Variants in TRERF1 observed in about 807,000 individuals in gnomAD.
TRERF1 encodes the protein transcriptional-regulating factor 1.
A neutral mutation model predicts 122.9 loss-of-function variants in TRERF1; 27 were observed. That is an observed-to-expected ratio of 0.22 (90% CI 0.16 to 0.30). The LOEUF is 0.30. TRERF1 is among the 10% of genes least tolerant of loss of function. The pLI is 1.00. For synonymous variants in TRERF1, 636 were observed against 641.7 expected, an observed-to-expected ratio of 0.99 and a Z score of 0.13; for missense variants, 1,248 against 1,560.3, an observed-to-expected ratio of 0.80 and a Z score of 3.37.
intron 2 of TRERF1, among the ~76,000 whole-genome samples, chr6:42,438,559 G>A (rs1401590243): frequency 2.7e-5 from 4 of 150,050 alleles, no homozygotes; most frequent in Admixed American, 6.6e-5. Flanking sequence ...GCAGTCAGCC[G>A]AGATCACACC....
chr6:42,232,828 G>T lies in TRERF1; in HGVS notation c.3131C>A (p.Thr1044Asn). The change falls in exon 17 of 18, where the codon ACC becomes AAC. Residue 1044 changes from threonine (T) to asparagine (N), a missense_variant. Around this residue, in one of 5 missense-constraint regions of TRERF1, gnomAD observed 159 missense variants for 221.7 expected, o/e 0.72. Transcript: ENST00000372922. The surrounding 1 kb of genome is among the most constrained non-coding windows in gnomAD (Gnocchi z 4.5). ...AGAGGGGATGGCACCTCGGGCCTTGGTCACCTGGTTGGTGCCCCCGTGGAT... is the reference window on the plus strand; with the variant it reads ...AGAGGGGATGGCACCTCGGGCCTTGTTCACCTGGTTGGTGCCCCCGTGGAT... 1 of 1,612,438 alleles carries T rather than the reference G, an allele frequency of 6.2e-7. No homozygotes were observed. The highest frequency in any genetic ancestry group is 8.5e-7 in the Non-Finnish European group (1 of 1,179,274).
chr6:42,362,198 C>T (rs934027659), intron 3 of TRERF1, among the ~76,000 whole-genome samples: 2 of 152,066 alleles, frequency 1.3e-5, no homozygotes, highest in Non-Finnish European at 2.9e-5. Context: ...ACTGGAACCC[C>T]GAGACACAAT....
At chr6:42,435,292 G>A (rs1220231028) in intron 2 of TRERF1, among the ~76,000 whole-genome samples, 4 of 152,154 alleles carry the variant, frequency 2.6e-5, no homozygotes, top group Non-Finnish European at 5.9e-5. Flanking sequence ...TCCAGAAAAC[G>A]GCTAAAACAT....
intron 2 of TRERF1, among the ~76,000 whole-genome samples, chr6:42,394,336 C>G (rs531583120): frequency 6.5e-4 from 99 of 152,308 alleles, no homozygotes; most frequent in African/African-American, 2.4e-3. Context: ...CTCCCCTGAT[C>G]AACGCCCACC....
At chr6:42,442,255 T>C (rs1786660744) in intron 2 of TRERF1, among the ~76,000 whole-genome samples, 1 of 151,968 alleles carries the variant, frequency 6.6e-6, no homozygotes, top group African/African-American at 2.4e-5. Context: ...CTCCAGCTTT[T>C]TTTCTTTTCC....
rs1770641140 is a variant in TRERF1, at chr6:42,232,013, C to T, written c.3278+668G>A. Among the ~76,000 whole-genome samples the T allele has an allele frequency of 6.6e-6, 1 of 152,198 alleles. No individual in the cohort carries two copies. The highest frequency in any genetic ancestry group is 6.5e-5 in the Admixed American group (1 of 15,280). ...TAAAGCATGTAACAAAGTAAATGCT[C>T]AGTAAATGTTAGCTATTATAATTAC... On this transcript the variant is annotated intron_variant, in intron 17 of 17. Coordinates refer to ENST00000372922, the Ensembl canonical transcript of TRERF1. This position sits in a 1 kb window ranked among gnomAD's most constrained non-coding sequence, Gnocchi z 4.5.
chr6:42,257,487 A>T (rs939758981), intron 10 of TRERF1, among the ~76,000 whole-genome samples: 2 of 152,224 alleles, frequency 1.3e-5, no homozygotes, highest in Non-Finnish European at 2.9e-5. Flanking sequence ...ACTTTCACAG[A>T]TATTATCCCA....
chr6:42,243,146 C>G, intron 15 of TRERF1, 102 bp downstream of exon 15: 1 of 943,292 alleles, frequency 1.1e-6, no homozygotes, highest in East Asian at 2.4e-5. Flanking sequence ...CTTCCTCTGG[C>G]TATCTTGGCA....
At chr6:42,277,912 GAAGAAGAAGAA>G (rs1455257717) in intron 4 of TRERF1, among the ~76,000 whole-genome samples, 5 of 72,502 alleles carry the variant, frequency 6.9e-5, no homozygotes, top group African/African-American at 1.9e-4. Flanking sequence ...GAAGGAAGAA[GAAGAAGAAGAA>G]GAAGAAGAAG....
intron 2 of TRERF1, among the ~76,000 whole-genome samples, chr6:42,421,891 C>T (rs1016376241): frequency 4.0e-5 from 6 of 150,916 alleles, no homozygotes; most frequent in East Asian, 2.0e-4. Flanking sequence ...ACACTGGCCG[C>T]GTGTGGTGGC....
chr6:42,374,224 C>T (rs909673264), intron 2 of TRERF1, among the ~76,000 whole-genome samples: 10 of 151,956 alleles, frequency 6.6e-5, no homozygotes, highest in East Asian at 5.8e-4. Flanking sequence ...CAGCCGGGGG[C>T]GGGTGTGTGC....
intron 2 of TRERF1, among the ~76,000 whole-genome samples, chr6:42,373,245 G>GGAAGAGGCTGGGTGC (rs1294246055): frequency 1.3e-5 from 2 of 152,216 alleles, no homozygotes; most frequent in Non-Finnish European, 2.9e-5. Context: ...CCTAAGAAGG[G>GGAAGAGGCTGGGTGC]GAAGAGGCTG....
chr6:42,237,821 G>A (rs1378990241), intron 15 of TRERF1, among the ~76,000 whole-genome samples: 4 of 152,136 alleles, frequency 2.6e-5, no homozygotes, highest in Non-Finnish European at 4.4e-5. Context: ...GTATGTATGT[G>A]GCATTTAGTA....
At chr6:42,435,629 A>C (rs1785193527) in intron 2 of TRERF1, among the ~76,000 whole-genome samples, 1 of 152,194 alleles carries the variant, frequency 6.6e-6, no homozygotes, top group Non-Finnish European at 1.5e-5. Context: ...TATTATTTAT[A>C]ATAGTTAAAA....
intron 2 of TRERF1, among the ~76,000 whole-genome samples, chr6:42,364,388 T>C (rs1772330174): frequency 6.6e-6 from 1 of 152,188 alleles, no homozygotes. Context: ...CACCTGACAT[T>C]TATTATTTTT....
chr6:42,306,429 G>A (rs1183563402), intron 3 of TRERF1, among the ~76,000 whole-genome samples: 1 of 152,158 alleles, frequency 6.6e-6, no homozygotes, highest in African/African-American at 2.4e-5. Flanking sequence ...ACTTAATCAG[G>A]CCCTCGTGTA....
intron 2 of TRERF1, among the ~76,000 whole-genome samples, chr6:42,370,694 C>T (rs143448277): frequency 0.021 from 3,262 of 152,306 alleles, 34 homozygotes; most frequent in Admixed American, 0.024. Context: ...GGCTTCTGTG[C>T]GTGGCCTGGG....
At chr6:42,257,233 G>A (rs1396425907) in intron 10 of TRERF1, 131 bp from the exon 11 acceptor site, 5 of 1,132,322 alleles carry the variant, frequency 4.4e-6, no homozygotes, top group African/African-American at 1.6e-5. Flanking sequence ...TTTCCTCACA[G>A]TGTGACCCTA....
intron 3 of TRERF1, among the ~76,000 whole-genome samples, chr6:42,317,914 G>A (rs977701649): frequency 6.6e-6 from 1 of 152,096 alleles, no homozygotes; most frequent in African/African-American, 2.4e-5. Context: ...AGCACTTCAG[G>A]AGGCCGAGGC....
Sources: gnomAD v4.1 joint callset for allele counts (sites outside exome capture counted in the v4.1 genomes callset) on GRCh38, gnomAD v4.1.1 for gene constraint, gnomAD v4.1.1 regional missense constraint, Gnocchi (gnomAD v3.1) non-coding constraint, MANE v1.5 for transcripts, NCBI Gene and HGNC (gene_info 2026-07-23, HGNC 2026-07-21) for gene names.